The following RNASE11 variants were observed in gnomAD, a reference collection of about 807,000 sequenced individuals.
RNASE11 encodes ribonuclease A family member 11 (inactive).
For missense variants in RNASE11, 252 were observed against 237.8 expected, an observed-to-expected ratio of 1.06 and a Z score of -0.39; for synonymous variants, 105 against 86.1, an observed-to-expected ratio of 1.22 and a Z score of -1.21.
Position 20,584,026 on chromosome 14 carries a change from C to T in RNASE11, c.449G>A (p.Ser150Asn), listed in dbSNP as rs147266123. 1.8e-4 allele frequency: 285 copies of T among 1,614,174 alleles called. 1 individual carries two copies. The African/African-American group carries it at 3.1e-3, about 17-fold the overall frequency. ...GCACACTGTATTTTCCAGTTCTAGG[C>T]TCTCACAGCAGCTTATGCCAGGATT... The change falls in exon 2 of 2, where the codon AGC (serine) becomes AAC (asparagine). Residue 150 changes from serine (S) to asparagine (N), a missense_variant. Ser to Asn is a conservative substitution (Grantham distance 46). Transcript: ENST00000553849.
chr14:20,583,807 G>C, exon 2 of RNASE11: 1 of 1,481,408 alleles, frequency 6.8e-7, no homozygotes, highest in Non-Finnish European at 9.1e-7. Context: ...TTAAGGAAAG[G>C]TTTAAACAAG....
intron 1 of RNASE11, chr14:20,585,100 G>A: frequency 1.0e-6 from 1 of 985,222 alleles, no homozygotes; most frequent in Non-Finnish European, 1.2e-6. Flanking sequence ...AATCGTGTTT[G>A]TTTCCTGGGA....
chr14:20,585,835 G>A (rs2138888330), intron 1 of RNASE11, among the ~76,000 whole-genome samples: 1 of 152,158 alleles, frequency 6.6e-6, no homozygotes, highest in Admixed American at 6.5e-5. Flanking sequence ...TCCTTTACTT[G>A]AGGTCAATCC....
At chr14:20,583,725 C>A (rs1566561552) in exon 2 of RNASE11, 1 of 635,928 alleles carries the variant, frequency 1.6e-6, no homozygotes. Context: ...GAATTATCCA[C>A]AATTTTGGAT....
chr14:20,589,402 C>T (rs1485162030), upstream of RNASE11, among the ~76,000 whole-genome samples: 1 of 151,080 alleles, frequency 6.6e-6, no homozygotes, highest in African/African-American at 2.4e-5. Flanking sequence ...TATAGGCGCC[C>T]GCCACCACGC....
intron 1 of RNASE11, among the ~76,000 whole-genome samples, chr14:20,584,728 C>T (rs867189654): frequency 2.0e-5 from 3 of 152,146 alleles, no homozygotes; most frequent in Admixed American, 6.5e-5. Flanking sequence ...ACTCCAGTTT[C>T]CCCATCTGAA....
At chr14:20,585,134 A>C in intron 1 of RNASE11, 4 of 969,654 alleles carry the variant, frequency 4.1e-6, no homozygotes, top group South Asian at 9.6e-5. Context: ...TGTCTAACTG[A>C]GGGAAGGAGG....
chr14:20,585,877 T>C (rs1417952539), intron 1 of RNASE11, among the ~76,000 whole-genome samples: 1 of 152,234 alleles, frequency 6.6e-6, no homozygotes, highest in Non-Finnish European at 1.5e-5. Flanking sequence ...TTATTTAAGT[T>C]AATAATTATT....
Sources: gnomAD v4.1 joint callset for allele counts (sites outside exome capture counted in the v4.1 genomes callset) on GRCh38, gnomAD v4.1.1 for gene constraint, MANE v1.5 for transcripts, NCBI Gene and HGNC (gene_info 2026-07-23, HGNC 2026-07-21) for gene names.